The following NRXN3 variants were observed in gnomAD, a reference collection of about 807,000 sequenced individuals.
NRXN3 encodes neurexin 3, also known as neurexin III.
A neutral mutation model predicts 137.6 loss-of-function variants in NRXN3; 32 were observed. The ratio of observed to expected loss-of-function variants is 0.23; its 90% CI spans 0.18 to 0.31. NRXN3 has a LOEUF of 0.31. NRXN3 is among the 10% of genes least tolerant of loss of function. NRXN3 has a pLI of 1.00. For synonymous variants in NRXN3, 798 were observed against 784.5 expected, an observed-to-expected ratio of 1.02 and a Z score of -0.29; for missense variants, 1,574 against 2,062.5, an observed-to-expected ratio of 0.76 and a Z score of 4.59.
intron 16 of NRXN3, among the ~76,000 whole-genome samples, chr14:79,604,313 C>T (rs556323444): frequency 6.6e-5 from 10 of 152,084 alleles, no homozygotes; most frequent in Admixed American, 1.3e-4. Context: ...CAGCTCACTA[C>T]AAACTCTGCC....
At chr14:78,678,010 G>A (rs890340003) in intron 6 of NRXN3, among the ~76,000 whole-genome samples, 7 of 152,090 alleles carry the variant, frequency 4.6e-5, no homozygotes, top group African/African-American at 1.7e-4. Context: ...ACAGTATAGT[G>A]TAAACATAAT....
chr14:78,836,405 G>A (rs186150727), intron 10 of NRXN3, among the ~76,000 whole-genome samples: 1 of 152,284 alleles, frequency 6.6e-6, no homozygotes, highest in East Asian at 1.9e-4. Context: ...GATATAAAGA[G>A]CAATTTTATT....
intron 19 of NRXN3, among the ~76,000 whole-genome samples, chr14:79,767,986 T>C (rs1044208456): frequency 6.6e-6 from 1 of 152,218 alleles, no homozygotes; most frequent in Non-Finnish European, 1.5e-5. Flanking sequence ...GGGAGTTCCC[T>C]TTCCTAGTCA....
Position 79,692,160 on chromosome 14 carries a change from T to C in NRXN3, c.3617-13T>C, listed in dbSNP as rs183986305. 2.3e-4 allele frequency: 364 copies of C among 1,580,610 alleles called. No homozygotes were observed. In the East Asian group the frequency reaches 7.6e-3, roughly 33 times the overall value. On this transcript the variant is annotated splice_polypyrimidine_tract_variant and intron_variant, in intron 17 of 20. Coordinates refer to ENST00000335750, the MANE Select transcript of NRXN3 (RefSeq NM_001330195.2). ...TTCAGATTGTTCTTTAAGCTGTTTT[T>C]TAAACTTTAAAGGCAACACTGATAA... is the stretch of plus-strand genomic sequence containing the variant.
At position 79,762,704 on chromosome 14, in the gene NRXN3, G is replaced by A. The variant is rs536393888; in HGVS notation, c.4015-42408G>A. On this transcript the variant is annotated intron_variant, in intron 19 of 20. Coordinates refer to ENST00000335750, the MANE Select transcript of NRXN3 (RefSeq NM_001330195.2). Reference sequence around the variant, plus strand: ...TGAGGATTAAATGTGGCAACCCATGGTTATTGGTTTCGTGCGATGCCTGTC... The same window carrying A: ...TGAGGATTAAATGTGGCAACCCATGATTATTGGTTTCGTGCGATGCCTGTC... Among the ~76,000 whole-genome samples the A allele has an allele frequency of 1.4e-3, 213 of 151,596 alleles. 5 individuals carry two copies. Among genetic ancestry groups the A allele is most frequent in the African/African-American group, 4.5e-3 (186 of 40,938 alleles).
At chr14:78,424,810 C>T (rs1171628982) in intron 4 of NRXN3, among the ~76,000 whole-genome samples, 1 of 152,168 alleles carries the variant, frequency 6.6e-6, no homozygotes, top group Non-Finnish European at 1.5e-5. Flanking sequence ...ATTCCCATAT[C>T]ATCATTATAC....
At chr14:79,697,433 T>A (rs2098739586) in intron 18 of NRXN3, among the ~76,000 whole-genome samples, 197 bp from the exon 19 acceptor site, 1 of 151,942 alleles carries the variant, frequency 6.6e-6, no homozygotes. Flanking sequence ...TATCAAAGAT[T>A]TTCAGCTAGA....
intron 16 of NRXN3, among the ~76,000 whole-genome samples, chr14:79,489,435 T>C (rs1450520212): frequency 6.6e-6 from 1 of 152,140 alleles, no homozygotes; most frequent in Non-Finnish European, 1.5e-5. Context: ...ACCTTGCTCC[T>C]GACTGAGAAG....
chr14:79,469,470 T>C (rs1377835530), intron 16 of NRXN3, among the ~76,000 whole-genome samples: 1 of 152,210 alleles, frequency 6.6e-6, no homozygotes. Context: ...GTAACATCCA[T>C]TGTGTGCATT....
At chr14:79,015,231 T>C (rs1594930433) in intron 15 of NRXN3, among the ~76,000 whole-genome samples, 1 of 151,912 alleles carries the variant, frequency 6.6e-6, no homozygotes, top group East Asian at 1.9e-4. Context: ...GGTGGGGGGT[T>C]TGTTTACCTC....
intron 19 of NRXN3, among the ~76,000 whole-genome samples, chr14:79,729,854 G>A (rs1184039673): frequency 6.6e-6 from 1 of 152,124 alleles, no homozygotes. Flanking sequence ...AGCATTTTGT[G>A]GAAAGAGTCA....
chr14:78,986,985 T>C (rs1350400427), intron 14 of NRXN3, among the ~76,000 whole-genome samples: 2 of 127,348 alleles, frequency 1.6e-5, no homozygotes, highest in Non-Finnish European at 3.1e-5. Flanking sequence ...ATCGTGCCAC[T>C]GCACTCCAGT....
intron 4 of NRXN3, among the ~76,000 whole-genome samples, chr14:78,408,830 T>G (rs76000317): frequency 2.3e-4 from 35 of 152,332 alleles, no homozygotes; most frequent in African/African-American, 8.2e-4. Flanking sequence ...ATAAGTCAGG[T>G]TGAAGATGGT....
chr14:79,523,656 G>A (rs538142138), intron 16 of NRXN3, among the ~76,000 whole-genome samples: 74 of 152,300 alleles, frequency 4.9e-4, no homozygotes, highest in African/African-American at 1.7e-3. Flanking sequence ...GGAAAAAAAA[G>A]GAGAGAGACA....
intron 10 of NRXN3, among the ~76,000 whole-genome samples, chr14:78,948,628 C>CTTTTTTTTTTTTT (rs201010514): frequency 1.9e-3 from 204 of 108,614 alleles, no homozygotes; most frequent in Non-Finnish European, 2.9e-3. Context: ...ACACATTTAA[C>CTTTTTTTTTTTTT]TTTTTTTTTT....
In NRXN3 at chr14:79,037,807, CAT is replaced by C. The variant is rs1377337435; in HGVS notation, c.3262+49671_3262+49672del. ...GGGATTTATGACTTATTTGAGTTCT[CAT>C]ATATCACCCTCTGTGTCGCTCGCTT... On this transcript the variant is annotated intron_variant, in intron 15 of 20. Transcript: ENST00000335750. 1.3e-5 allele frequency among the ~76,000 whole-genome samples: 2 copies of C among 152,102 alleles called. 1 individual carries two copies. The highest frequency in any genetic ancestry group is 6.3e-3 in the Middle Eastern group (2 of 316).
chr14:78,376,003 T>TACACACAC (rs10623539), intron 4 of NRXN3, among the ~76,000 whole-genome samples: 3,610 of 146,780 alleles, frequency 0.025, 62 homozygotes, highest in Non-Finnish European at 0.031. Context: ...TCCTCCTTGA[T>TACACACAC]ACACACACAC....
intron 4 of NRXN3, among the ~76,000 whole-genome samples, chr14:78,493,344 A>C (rs549911636): frequency 1.4e-5 from 2 of 145,414 alleles, no homozygotes; most frequent in East Asian, 4.1e-4. Context: ...TAACATGGTG[A>C]AACCCTGTCT....
chr14:79,315,801 T>C (rs1413015543), intron 15 of NRXN3, among the ~76,000 whole-genome samples: 2 of 152,216 alleles, frequency 1.3e-5, no homozygotes, highest in Non-Finnish European at 2.9e-5. Flanking sequence ...CGAGCTACAA[T>C]AGAAAGAAGT....
Sources: gnomAD v4.1 joint callset for allele counts (sites outside exome capture counted in the v4.1 genomes callset) on GRCh38, gnomAD v4.1.1 for gene constraint, MANE v1.5 for transcripts, NCBI Gene and HGNC (gene_info 2026-07-23, HGNC 2026-07-21) for gene names.